LINGO2: variants seen among roughly 807,000 people sequenced by gnomAD.
LINGO2 encodes the protein leucine-rich repeat and immunoglobulin-like domain-containing nogo receptor-interacting protein 2.
Under a neutral mutation model 30.6 loss-of-function variants are expected in LINGO2, and 14 were observed. The ratio of observed to expected loss-of-function variants is 0.46; its 90% CI spans 0.30 to 0.72. The LOEUF (loss-of-function observed/expected upper bound fraction) is 0.72, where lower values mean the gene tolerates loss of function less well. LINGO2 is among the 30% of genes least tolerant of loss of function. The pLI, the probability that LINGO2 is intolerant of heterozygous loss-of-function variation, is 0.07. For synonymous variants in LINGO2, 317 were observed against 288.5 expected (o/e 1.10, Z -1.00); for missense variants, 729 against 751.7 (o/e 0.97, Z 0.35).
At chr9:28,163,072 A>G (rs1054156064) in intron 4 of LINGO2, among the ~76,000 whole-genome samples, 1 of 152,166 alleles carries the variant, frequency 6.6e-6, no homozygotes, top group Non-Finnish European at 1.5e-5. Flanking sequence ...GGTAAATTAG[A>G]AATTTAAAAG....
At chr9:28,803,947 G>C in the LINGO2 span, among the ~76,000 whole-genome samples, 1 of 151,968 alleles carries the variant, frequency 6.6e-6, no homozygotes, top group African/African-American at 2.4e-5. Flanking sequence ...AATTATAAAG[G>C]TAAGTGTGAA....
At chr9:28,314,514 T>G (rs944179261) in intron 3 of LINGO2, among the ~76,000 whole-genome samples, 4 of 152,176 alleles carry the variant, frequency 2.6e-5, no homozygotes, top group Non-Finnish European at 5.9e-5. Context: ...GCACCGAGTT[T>G]ATTTTACAGA....
At chr9:28,875,104 CAGCAAGA>C in the LINGO2 span, among the ~76,000 whole-genome samples, 4 of 152,102 alleles carry the variant, frequency 2.6e-5, no homozygotes, top group Non-Finnish European at 5.9e-5. Flanking sequence ...TTTGCTTTGA[CAGCAAGA>C]ACCTCAGAAA....
At chr9:28,149,288 G>A (rs113200722) in intron 4 of LINGO2, 49,886 of 598,588 alleles carry the variant, frequency 0.083, 2,323 homozygotes, top group East Asian at 0.18. Flanking sequence ...AAGAGATTGA[G>A]ACCTGAGGAG....
At chr9:29,071,791 T>C in the LINGO2 span, among the ~76,000 whole-genome samples, 2 of 151,888 alleles carry the variant, frequency 1.3e-5, no homozygotes, top group African/African-American at 4.8e-5. Context: ...ATACCCTGAG[T>C]AGCAGAGTAA....
intron 1 of LINGO2, among the ~76,000 whole-genome samples, chr9:28,512,582 T>G (rs1455094940): frequency 9.3e-4 from 2 of 2,140 alleles, no homozygotes; most frequent in East Asian, 0.062. Context: ...ACTAACAGGA[T>G]ATATATGTGT....
chr9:28,419,508 T>G (rs993353397), intron 2 of LINGO2, among the ~76,000 whole-genome samples: 8 of 151,974 alleles, frequency 5.3e-5, no homozygotes, highest in African/African-American at 1.9e-4. Context: ...ACTCCATTAG[T>G]CCATCTTGTC....
At chr9:28,218,918 G>A (rs780156431) in intron 4 of LINGO2, among the ~76,000 whole-genome samples, 2 of 152,172 alleles carry the variant, frequency 1.3e-5, no homozygotes, top group Non-Finnish European at 2.9e-5. Context: ...ACTTCTGAGT[G>A]CCACTTATTT....
At chr9:28,095,843 G>T (rs1427442269) in intron 4 of LINGO2, among the ~76,000 whole-genome samples, 1 of 152,030 alleles carries the variant, frequency 6.6e-6, no homozygotes, top group Non-Finnish European at 1.5e-5. Context: ...AATCTACAAT[G>T]AACTCAAACA....
chr9:28,535,663 GCA>G (rs1311610018), intron 1 of LINGO2, among the ~76,000 whole-genome samples: 2 of 151,640 alleles, frequency 1.3e-5, no homozygotes, highest in Non-Finnish European at 2.9e-5. Context: ...ACATCCATGT[GCA>G]CACACACACA....
At chr9:29,102,209 G>A in the LINGO2 span, among the ~76,000 whole-genome samples, 4 of 151,878 alleles carry the variant, frequency 2.6e-5, no homozygotes, top group Non-Finnish European at 4.4e-5. Context: ...AGCCTCCCGA[G>A]TAGCTGGGAC....
intron 1 of LINGO2, among the ~76,000 whole-genome samples, chr9:28,599,998 A>T (rs1825394580): frequency 1.3e-5 from 2 of 152,146 alleles, no homozygotes; most frequent in Admixed American, 1.3e-4. Flanking sequence ...ACAATAAATT[A>T]AATGAATACA....
intron 1 of LINGO2, among the ~76,000 whole-genome samples, chr9:28,638,138 T>A (rs1827376369): frequency 6.6e-6 from 1 of 152,232 alleles, no homozygotes; most frequent in Non-Finnish European, 1.5e-5. Flanking sequence ...GATTTGCATA[T>A]GTTGAACCAG....
At chr9:28,345,657 T>C (rs1819536689) in intron 3 of LINGO2, among the ~76,000 whole-genome samples, 1 of 152,206 alleles carries the variant, frequency 6.6e-6, no homozygotes, top group Admixed American at 6.5e-5. Flanking sequence ...GAATTTTAGA[T>C]TGCCTTCAAC....
At chr9:28,309,154 T>C (rs1459351657) in intron 3 of LINGO2, among the ~76,000 whole-genome samples, 1 of 152,130 alleles carries the variant, frequency 6.6e-6, no homozygotes, top group African/African-American at 2.4e-5. Flanking sequence ...GTGGCATTAT[T>C]CACAATAGCA....
chr9:29,086,355 T>C, the LINGO2 span, among the ~76,000 whole-genome samples: 1 of 151,476 alleles, frequency 6.6e-6, no homozygotes, highest in Admixed American at 6.6e-5. Flanking sequence ...CAATTTATTA[T>C]AAGAAACATA....
the LINGO2 span, among the ~76,000 whole-genome samples, chr9:28,949,440 C>T: frequency 2.0e-5 from 3 of 152,074 alleles, no homozygotes; most frequent in East Asian, 5.8e-4. Flanking sequence ...CACCACTGAT[C>T]CCACAGAAAT....
chr9:29,156,525 CA>C, the LINGO2 span, among the ~76,000 whole-genome samples: 1 of 152,020 alleles, frequency 6.6e-6, no homozygotes, highest in Non-Finnish European at 1.5e-5. Context: ...TATTTTGGTA[CA>C]TGATTACATC....
the LINGO2 span, among the ~76,000 whole-genome samples, chr9:28,976,111 T>G: frequency 7.9e-4 from 121 of 152,298 alleles, no homozygotes; most frequent in African/African-American, 2.8e-3. Flanking sequence ...CTTTGACAAG[T>G]CCAAACGCTT....
Sources: allele counts gnomAD v4.1 joint callset (sites outside exome capture counted in the v4.1 genomes callset), GRCh38; gene constraint gnomAD v4.1.1; transcripts MANE v1.5; gene names NCBI Gene and HGNC (gene_info 2026-07-23, HGNC 2026-07-21).